Variants in ICE2 observed in about 807,000 individuals in gnomAD.
ICE2 encodes little elongation complex subunit 2.
ICE2 carries 87 observed loss-of-function variants against 105.4 expected under a neutral mutation model. That is an observed-to-expected ratio of 0.83 (90% CI 0.69 to 0.99). The LOEUF is 0.99. ICE2 is among the 50% of genes least tolerant of loss of function. The probability of loss-of-function intolerance (pLI) is 0.00; values close to 1 mark genes in which losing one functional copy is unlikely to be tolerated. For synonymous variants in ICE2, 399 were observed against 392.0 expected (o/e 1.02, Z -0.21); for missense variants, 1,323 against 1,146.7 (o/e 1.15, Z -2.22).
intron 12 of ICE2, chr15:60,440,236 C>T (rs1182538550): frequency 6.6e-6 from 1 of 152,186 alleles, no homozygotes; most frequent in Non-Finnish European, 1.5e-5. Flanking sequence ...GAAGCTTATA[C>T]TTTATACAAT....
intron 5 of ICE2, among the ~76,000 whole-genome samples, chr15:60,464,399 T>C (rs149779472): frequency 1.3e-5 from 2 of 151,828 alleles, no homozygotes; most frequent in East Asian, 1.9e-4. Flanking sequence ...GGAAGGACAA[T>C]AAGCAAAAAT....
chr15:60,425,989 A>T (rs1375549927), intron 15 of ICE2, among the ~76,000 whole-genome samples: 3 of 152,172 alleles, frequency 2.0e-5, no homozygotes, highest in African/African-American at 7.2e-5. Flanking sequence ...TAGTTATCTA[A>T]TTGTCCACTG....
intron 15 of ICE2, among the ~76,000 whole-genome samples, chr15:60,426,648 TAAGGA>T (rs747468192): frequency 1.1e-4 from 17 of 152,326 alleles, no homozygotes; most frequent in Non-Finnish European, 1.6e-4. Context: ...TCTATATCAA[TAAGGA>T]AAGTATATTA....
chr15:60,439,261 T>G (rs1308249525), intron 12 of ICE2: 1 of 152,222 alleles, frequency 6.6e-6, no homozygotes, highest in Non-Finnish European at 1.5e-5. Context: ...AATATTTTAG[T>G]ACACTGTAAT....
chr15:60,449,730 C>A lies in ICE2; in HGVS notation c.1237G>T (p.Val413Leu). ...CTTGCTGGACTTGGTGATTTTGATA[C>A]TTTGGTGGTGGTTACTCCAAAAGTT... is the stretch of plus-strand genomic sequence containing the variant. ...LETFGVTTTK[V>L]SKSPSPASTS... The change falls in exon 10 of 16, where the codon GTA (valine) becomes TTA (leucine). Residue 413 changes from valine (V) to leucine (L), a missense_variant. Transcript: ENST00000261520. The A allele has an allele frequency of 6.2e-7, 1 of 1,614,142 alleles. No individual in the cohort carries two copies. The highest frequency in any genetic ancestry group is 8.5e-7 in the Non-Finnish European group (1 of 1,180,028).
chr15:60,478,531 G>C (rs1404765043), intron 1 of ICE2: 2 of 199,508 alleles, frequency 1.0e-5, no homozygotes, highest in African/African-American at 2.4e-5. Flanking sequence ...GAGAAGACTT[G>C]AGGTCAACTT....
intron 11 of ICE2, among the ~76,000 whole-genome samples, chr15:60,443,610 T>C (rs2063764649): frequency 6.6e-6 from 1 of 152,250 alleles, no homozygotes; most frequent in African/African-American, 2.4e-5. Context: ...TTTACATTAA[T>C]AACAAGCTAT....
chr15:60,478,088 C>CCAAGAT lies in ICE2; in HGVS notation c.-92-25_-92-20dup, dbSNP rs1330316324. 3.1e-6 allele frequency: 3 copies of CCAAGAT among 981,344 alleles called. No homozygotes were observed. The East Asian group carries it at 7.2e-5, about 23-fold the overall frequency. 60.8% of individuals were successfully genotyped at this position (981,344 alleles called of 1,614,324 possible). On this transcript the variant is annotated intron_variant, in intron 1 of 15. Transcript: ENST00000261520. ...TACTCAGCTGAGTAAAAACAAAAGG[C>CCAAGAT]CAAGATCAAAAGCAAGTGATTGGCT...
chr15:60,472,136 G>A lies in ICE2; in HGVS notation c.147-3814C>T, dbSNP rs576315625. Among the ~76,000 whole-genome samples the A allele has an allele frequency of 1.4e-4, 21 of 151,198 alleles. No individual in the cohort carries two copies. The South Asian group carries it at 4.2e-3, about 30-fold the overall frequency. On this transcript the variant is annotated intron_variant, in intron 3 of 15. Coordinates refer to ENST00000261520, the MANE Select transcript of ICE2 (RefSeq NM_024611.6). ...TTTTAATATCCTCTTTTATTTTCTT[G>A]GGGGACTTTCCAAATATTCTATAAT...
intron 12 of ICE2, chr15:60,441,351 A>C (rs2063716165): frequency 6.6e-6 from 1 of 152,224 alleles, no homozygotes; most frequent in Non-Finnish European, 1.5e-5. Context: ...ATGAAAACAA[A>C]ATACTGATTA....
rs781043930 is a variant in ICE2 at position 60,447,986 on chromosome 15, C to T, written c.2279G>A (p.Arg760Gln). 12 of 1,607,264 alleles carry T rather than the reference C, an allele frequency of 7.5e-6. No homozygotes were observed. Among genetic ancestry groups the T allele is most frequent in the East Asian group, 2.2e-5 (1 of 44,838 alleles). ...RIETRPRSKKRKKIRRQFPVY... is the reference protein window; with the variant it reads ...RIETRPRSKKQKKIRRQFPVY... ...ACAACTTACTCTTCTGATTTTCTTCCGTTTTTTAGAACGTGGTCTTGTCTC... is the reference window on the plus strand; with the variant it reads ...ACAACTTACTCTTCTGATTTTCTTCTGTTTTTTAGAACGTGGTCTTGTCTC... The change falls in exon 11 of 16, where the codon CGG (arginine) becomes CAG (glutamine). Residue 760 changes from arginine (R) to glutamine (Q), a missense_variant. By Grantham distance (43) the Arg-to-Gln change is conservative. Transcript: ENST00000261520.
intron 5 of ICE2, among the ~76,000 whole-genome samples, chr15:60,458,197 A>T (rs1004032078): frequency 6.9e-6 from 1 of 144,908 alleles, no homozygotes; most frequent in African/African-American, 2.9e-5. Context: ...TTATGTAGCA[A>T]AAAAATGTTT....
At chr15:60,433,119 C>T (rs1009519147) in intron 13 of ICE2, among the ~76,000 whole-genome samples, 11 of 150,956 alleles carry the variant, frequency 7.3e-5, no homozygotes, top group Non-Finnish European at 1.3e-4. Context: ...GAGTCTCGCT[C>T]TGTCGCCCAG....
chr15:60,462,317 G>A (rs139626429), intron 5 of ICE2, among the ~76,000 whole-genome samples: 1 of 152,240 alleles, frequency 6.6e-6, no homozygotes, highest in South Asian at 2.1e-4. Flanking sequence ...TTTCAGTCAG[G>A]AGGAAAAATT....
chr15:60,426,084 C>A (rs2063332948), intron 15 of ICE2, among the ~76,000 whole-genome samples: 1 of 152,324 alleles, frequency 6.6e-6, no homozygotes, highest in South Asian at 2.1e-4. Context: ...GAAGCACACT[C>A]CGTGATACAC....
chr15:60,451,102 C>G, intron 9 of ICE2: 1 of 777,624 alleles, frequency 1.3e-6, no homozygotes, highest in East Asian at 1.3e-4. Context: ...AGATAGTGGT[C>G]ATAAATTTTT....
At chr15:60,453,048 T>A (rs1198820904) in intron 9 of ICE2, 1 of 763,352 alleles carries the variant, frequency 1.3e-6, no homozygotes, top group East Asian at 1.3e-4. Context: ...CAGGCCAACA[T>A]GGCGAAATCT....
chr15:60,440,861 C>T (rs1031277005), intron 12 of ICE2: 4 of 151,986 alleles, frequency 2.6e-5, no homozygotes, highest in Non-Finnish European at 5.9e-5. Context: ...TCACAGAAGC[C>T]AAAAATACTA....
intron 2 of ICE2, among the ~76,000 whole-genome samples, chr15:60,476,593 A>G (rs894223090): frequency 6.6e-6 from 1 of 152,250 alleles, no homozygotes; most frequent in African/African-American, 2.4e-5. Context: ...TACTGTGCTG[A>G]GCCAAAAGAC....
Sources: allele counts gnomAD v4.1 joint callset (sites outside exome capture counted in the v4.1 genomes callset), GRCh38; gene constraint gnomAD v4.1.1; transcripts MANE v1.5; gene names NCBI Gene and HGNC (gene_info 2026-07-23, HGNC 2026-07-21).